UNC5D: variants seen among roughly 807,000 people sequenced by gnomAD.
UNC5D encodes the protein netrin receptor UNC5D.
Under a neutral mutation model 105.4 loss-of-function variants are expected in UNC5D, and 39 were observed. The observed-to-expected ratio is 0.37, with a 90% confidence interval of 0.29 to 0.48. The LOEUF is 0.48. Ranked by LOEUF, UNC5D falls within the 20% of genes least tolerant of loss-of-function variation. The pLI, the probability that UNC5D is intolerant of heterozygous loss-of-function variation, is 0.98. For missense variants in UNC5D, 991 were observed against 1,202.4 expected (o/e 0.82, Z 2.60); for synonymous variants, 452 against 450.4 (o/e 1.00, Z -0.04).
chr8:35,273,166 C>A (rs1246288341), intron 1 of UNC5D, among the ~76,000 whole-genome samples: 9 of 152,146 alleles, frequency 5.9e-5, no homozygotes, highest in Non-Finnish European at 1.0e-4. Context: ...ATTCATTTGG[C>A]TAAATATGGA....
At position 35,657,078 on chromosome 8, in the gene UNC5D, GTGTATATATATATA is replaced by G. The variant is rs1213701565; in HGVS notation, c.571-26467_571-26454del. Among the ~76,000 whole-genome samples the G allele has an allele frequency of 3.7e-3, 300 of 80,534 alleles. 2 individuals are homozygous for G. The highest frequency in any genetic ancestry group is 0.019 in the Middle Eastern group (3 of 154). 52.8% of individuals were successfully genotyped at this position (80,534 alleles called of 152,430 possible). On this transcript the variant is annotated intron_variant, in intron 4 of 16. Transcript: ENST00000404895. ...TGTGTGTGTGTGTGTGTGTGTGTGT[GTGTATATATATATA>G]TATATATATATATATATATATATAT...
At chr8:35,729,222 C>T (rs1331474322) in intron 10 of UNC5D, among the ~76,000 whole-genome samples, 3 of 152,148 alleles carry the variant, frequency 2.0e-5, no homozygotes, top group Admixed American at 6.5e-5. Flanking sequence ...GTGTGATCTG[C>T]GCAGACAGCT....
intron 1 of UNC5D, among the ~76,000 whole-genome samples, chr8:35,458,333 G>T (rs1387999483): frequency 2.0e-5 from 3 of 152,070 alleles, no homozygotes; most frequent in Admixed American, 6.6e-5. Context: ...ATTAGGACAG[G>T]CTCTACAGAG....
At chr8:35,718,758 CTT>C (rs901685254) in intron 8 of UNC5D, among the ~76,000 whole-genome samples, 9 of 152,098 alleles carry the variant, frequency 5.9e-5, no homozygotes, top group African/African-American at 1.2e-4. Context: ...GAGAGGAAGA[CTT>C]TGCACTGGGT....
chr8:35,551,061 T>A (rs368045800), intron 2 of UNC5D, among the ~76,000 whole-genome samples: 1 of 152,080 alleles, frequency 6.6e-6, no homozygotes, highest in Non-Finnish European at 1.5e-5. Flanking sequence ...GGTATTTTGG[T>A]TCTGGTGATC....
chr8:35,493,649 G>A (rs977812261), intron 1 of UNC5D, among the ~76,000 whole-genome samples: 1 of 152,132 alleles, frequency 6.6e-6, no homozygotes, highest in Non-Finnish European at 1.5e-5. Flanking sequence ...AGAGTTGTTG[G>A]TGTTACAAAT....
At chr8:35,689,127 C>T (rs1430055920) in intron 7 of UNC5D, among the ~76,000 whole-genome samples, 1 of 152,106 alleles carries the variant, frequency 6.6e-6, no homozygotes, top group Non-Finnish European at 1.5e-5. Flanking sequence ...CACTAACAAC[C>T]ACAGGTTGTA....
chr8:35,517,268 G>A (rs772341901), intron 1 of UNC5D, among the ~76,000 whole-genome samples: 25 of 152,118 alleles, frequency 1.6e-4, no homozygotes, highest in East Asian at 5.8e-4. Context: ...TCATTCAATC[G>A]TGTTCAAAGA....
At chr8:35,731,413 A>G (rs898097233) in intron 11 of UNC5D, among the ~76,000 whole-genome samples, 3 of 150,152 alleles carry the variant, frequency 2.0e-5, no homozygotes, top group African/African-American at 7.3e-5. Flanking sequence ...AAAAAAAAAA[A>G]AAAAAAAAAA....
At chr8:35,742,158 G>T (rs578020780) in intron 11 of UNC5D, among the ~76,000 whole-genome samples, 12 of 151,952 alleles carry the variant, frequency 7.9e-5, no homozygotes, top group African/African-American at 2.9e-4. Flanking sequence ...GCTTTAAAGG[G>T]TCCATCTGTC....
intron 12 of UNC5D, among the ~76,000 whole-genome samples, chr8:35,749,983 T>C (rs970336251): frequency 6.9e-5 from 2 of 29,078 alleles, no homozygotes; most frequent in African/African-American, 5.8e-4. Context: ...TTGTCAGAAA[T>C]AGTTGTAAAA....
intron 16 of UNC5D, among the ~76,000 whole-genome samples, chr8:35,790,007 G>A (rs986383207): frequency 2.0e-5 from 3 of 151,990 alleles, no homozygotes; most frequent in Non-Finnish European, 4.4e-5. Flanking sequence ...CCAACATTTT[G>A]GGAGGCTGAG....
At chr8:35,477,610 G>A (rs1011328602) in intron 1 of UNC5D, among the ~76,000 whole-genome samples, 7 of 152,004 alleles carry the variant, frequency 4.6e-5, no homozygotes, top group African/African-American at 1.7e-4. Flanking sequence ...AGACAATCAT[G>A]TGTGGCTACT....
Position 35,726,243 on chromosome 8 carries a change from C to A in UNC5D, c.1395C>A (p.Asp465Glu). The change falls in exon 10 of 17, where the codon GAC becomes GAA. Residue 465 changes from aspartate to glutamate, a missense_variant. Around this residue, in one of 3 missense-constraint regions of UNC5D, gnomAD observed 944 missense variants for 1,131.6 expected, o/e 0.83. Coordinates refer to ENST00000404895, the MANE Select transcript of UNC5D (RefSeq NM_080872.4). The part of the protein sequence containing the change: ...SGPICLQDPL[D>E]KELMTESSLF... Reference sequence around the variant, plus strand: ...CCATCTGTCTGCAGGACCCTCTGGACAAGGAGCTCATGACAGAGTCCTCAC... The same window carrying A: ...CCATCTGTCTGCAGGACCCTCTGGAAAAGGAGCTCATGACAGAGTCCTCAC... 6.2e-7 allele frequency: 1 copy of A among 1,614,138 alleles called. No individual in the cohort carries two copies. The highest frequency in any genetic ancestry group is 8.5e-7 in the Non-Finnish European group (1 of 1,180,012).
intron 4 of UNC5D, among the ~76,000 whole-genome samples, chr8:35,615,051 T>G (rs1054690386): frequency 2.7e-5 from 1 of 37,002 alleles, no homozygotes; most frequent in South Asian, 1.4e-3. Flanking sequence ...CCCCCCCCCG[T>G]CCCCCACCCC....
At chr8:35,305,863 CT>C (rs1200161537) in intron 1 of UNC5D, among the ~76,000 whole-genome samples, 2 of 132,826 alleles carry the variant, frequency 1.5e-5, no homozygotes, top group African/African-American at 5.7e-5. Context: ...CTCCCTCCCC[CT>C]CCCTCCCTCT....
intron 1 of UNC5D, among the ~76,000 whole-genome samples, chr8:35,248,044 AT>A (rs1280366122): frequency 5.6e-5 from 3 of 53,106 alleles, no homozygotes; most frequent in Non-Finnish European, 6.1e-5. Flanking sequence ...TATATATAAA[AT>A]ATATATAATA....
intron 1 of UNC5D, among the ~76,000 whole-genome samples, chr8:35,380,101 G>GCC (rs1212073120): frequency 7.9e-6 from 1 of 126,048 alleles, no homozygotes; most frequent in African/African-American, 3.1e-5. Context: ...GGGGGGGTCG[G>GCC]GGAGAGAGAG....
rs373786481 is a variant in UNC5D at position 35,568,162 on chromosome 8, C to G, written c.387C>G (p.Pro129=). 36 of 1,614,036 alleles carry G rather than the reference C, an allele frequency of 2.2e-5. No individual in the cohort carries two copies. Among genetic ancestry groups the G allele is most frequent in the Non-Finnish European group, 2.8e-5 (33 of 1,180,034 alleles). Residue 129 remains proline (P), a synonymous_variant, in exon 3 of 17, where the codon CCC becomes CCG. Coordinates refer to ENST00000404895, the MANE Select transcript of UNC5D (RefSeq NM_080872.4). ...AACAGGTGGAGGACTTCCATGGGCC[C>G]GAGGACTATTGGTGCCAGTGTGTGG... is the stretch of plus-strand genomic sequence containing the variant. ...TRQQVEDFHG[P]EDYWCQCVAW... is the part of the protein sequence containing the mutation.
Sources: allele counts gnomAD v4.1 joint callset (sites outside exome capture counted in the v4.1 genomes callset), GRCh38; gene constraint gnomAD v4.1.1; regional missense constraint gnomAD v4.1.1; transcripts MANE v1.5; gene names NCBI Gene and HGNC (gene_info 2026-07-23, HGNC 2026-07-21).